FHAD1: variants seen among roughly 807,000 people sequenced by gnomAD.
The protein encoded by FHAD1 is forkhead-associated domain-containing protein 1.
Under a neutral mutation model 191.3 loss-of-function variants are expected in FHAD1, and 146 were observed. The observed-to-expected ratio is 0.76, with a 90% CI of 0.67 to 0.88. The LOEUF (loss-of-function observed/expected upper bound fraction) is 0.88. FHAD1 is among the 40% of genes least tolerant of loss of function. FHAD1 has a pLI of 0.00. For synonymous variants in FHAD1, 616 were observed against 672.3 expected, an observed-to-expected ratio of 0.92 and a Z score of 1.29; for missense variants, 1,635 against 1,785.8, an observed-to-expected ratio of 0.92 and a Z score of 1.52.
At chr1:15,269,188 C>G (rs2101143198) in intron 2 of FHAD1, among the ~76,000 whole-genome samples, 1 of 152,018 alleles carries the variant, frequency 6.6e-6, no homozygotes, top group Admixed American at 6.6e-5. Flanking sequence ...ATATTTCTTT[C>G]AGTTCTTCTG....
chr1:15,344,571 CA>C (rs1487737843), intron 16 of FHAD1, among the ~76,000 whole-genome samples: 1 of 152,196 alleles, frequency 6.6e-6, no homozygotes, highest in Non-Finnish European at 1.5e-5. Flanking sequence ...ACTTTATTTA[CA>C]AAAACAGACC....
In FHAD1 at chr1:15,345,504, G is replaced by T; in HGVS notation, c.2327G>T (p.Arg776Leu). Residue 776 changes from arginine to leucine, a missense_variant, in exon 18 of 34, where the codon CGC (arginine) becomes CTC (leucine). Physicochemically the swap from Arg to Leu is moderately radical, Grantham distance 102. Coordinates refer to ENST00000688493, the MANE Select transcript of FHAD1 (RefSeq NM_001391957.1). ...ACAAGAGTCCAAGAGCTGGAGGAAC[G>T]CTTGGCCCGCCAGAAGGAGGTACGC... is the stretch of plus-strand genomic sequence containing the variant. ...EQTRVQELEERLARQKEVLES... is the reference protein window; with the variant it reads ...EQTRVQELEELLARQKEVLES... The T allele has an allele frequency of 1.3e-6, 2 of 1,551,990 alleles. No homozygotes were observed. Among genetic ancestry groups the T allele is most frequent in the Non-Finnish European group, 1.7e-6 (2 of 1,147,014 alleles).
In FHAD1 at chr1:15,350,664, C is replaced by T. The variant is rs536365046; in HGVS notation, c.2454+1515C>T. On this transcript the variant is annotated intron_variant, in intron 19 of 33. Transcript: ENST00000688493. ...CCCTGGGCATGCCCCTTGCCCTCTC[C>T]ATGCCCTCATCTGCCATGTGGGTGT... is the stretch of plus-strand genomic sequence containing the variant. Among the ~76,000 whole-genome samples the T allele has an allele frequency of 3.8e-4, 58 of 152,318 alleles. No homozygotes were observed. The South Asian group carries it at 0.011, about 28-fold the overall frequency.
intron 3 of FHAD1, among the ~76,000 whole-genome samples, chr1:15,280,075 GAC>G (rs1660035342): frequency 6.6e-6 from 1 of 152,142 alleles, no homozygotes; most frequent in Non-Finnish European, 1.5e-5. Flanking sequence ...TGATGAGAAG[GAC>G]ACAGAGTTGG....
chr1:15,301,100 G>C, intron 5 of FHAD1, 105 bp from the exon 6 acceptor site: 1 of 949,660 alleles, frequency 1.1e-6, no homozygotes, highest in Admixed American at 2.4e-5. Flanking sequence ...ATAGTGCTAG[G>C]ATTACAGGCG....
At chr1:15,363,889 C>T (rs1212430062) in intron 23 of FHAD1, 1 of 438,250 alleles carries the variant, frequency 2.3e-6, no homozygotes, top group East Asian at 7.0e-5. Context: ...AAGAGGAGAA[C>T]CACCTGCCTG....
rs1688535378 is a variant in FHAD1, at chr1:15,345,507, T to C, written c.2330T>C (p.Leu777Ser). The change falls in exon 18 of 34, where the codon TTG becomes TCG. Residue 777 changes from leucine to serine, a missense_variant. Physicochemically the swap from Leu to Ser is moderately radical, Grantham distance 145 (BLOSUM62 -2). Coordinates refer to ENST00000688493, the MANE Select transcript of FHAD1 (RefSeq NM_001391957.1). The stretch of plus-strand genomic sequence containing the variant: ...AGAGTCCAAGAGCTGGAGGAACGCT[T>C]GGCCCGCCAGAAGGAGGTACGCTCG... ...QTRVQELEERLARQKEVLESS... is the reference protein window; with the variant it reads ...QTRVQELEERSARQKEVLESS... 2 of 1,551,942 alleles carry C rather than the reference T, an allele frequency of 1.3e-6. No individual in the cohort carries two copies. The highest frequency in any genetic ancestry group is 1.7e-6 in the Non-Finnish European group (2 of 1,147,026).
chr1:15,300,956 A>C (rs1459505200), intron 5 of FHAD1, among the ~76,000 whole-genome samples: 1 of 152,062 alleles, frequency 6.6e-6, no homozygotes, highest in African/African-American at 2.4e-5. Context: ...CAGCCTCCCA[A>C]GTAGCTGGGA....
Position 15,369,348 on chromosome 1 carries a change from ATCC to A in FHAD1, c.3315-16_3315-14del. ...TTTGTGGTTTCCAGAACCTCGTGCC[ATCC>A]TCCTCTTCTCTACCCTAGGGCTTCC... On this transcript the variant is annotated intron_variant, in intron 25 of 33. Coordinates refer to ENST00000688493, the MANE Select transcript of FHAD1 (RefSeq NM_001391957.1). 1 of 1,551,708 alleles carries A rather than the reference ATCC, an allele frequency of 6.4e-7. No homozygotes were observed. Among genetic ancestry groups the A allele is most frequent in the East Asian group, 2.4e-5 (1 of 40,912 alleles).
intron 2 of FHAD1, among the ~76,000 whole-genome samples, chr1:15,270,996 A>G (rs139138244): frequency 0.013 from 2,013 of 151,762 alleles, 31 homozygotes; most frequent in African/African-American, 0.046. Flanking sequence ...AAAATTAGCC[A>G]GGCGTGGTGG....
At chr1:15,340,208 C>T (rs1480533880) in intron 15 of FHAD1, among the ~76,000 whole-genome samples, 1 of 152,162 alleles carries the variant, frequency 6.6e-6, no homozygotes, top group East Asian at 1.9e-4. Flanking sequence ...AGCAGAATTA[C>T]TAAAAGAAAA....
chr1:15,377,363 C>T (rs1480376259), intron 28 of FHAD1, among the ~76,000 whole-genome samples: 1 of 152,090 alleles, frequency 6.6e-6, no homozygotes, highest in African/African-American at 2.4e-5. Context: ...CAGCCTGACC[C>T]GCTCCCAAGA....
intron 20 of FHAD1, among the ~76,000 whole-genome samples, chr1:15,357,056 T>C (rs1693039450): frequency 6.6e-6 from 1 of 152,058 alleles, no homozygotes; most frequent in African/African-American, 2.4e-5. Context: ...TGTGCATCAG[T>C]CTTTACGTCC....
At chr1:15,287,759 GA>G (rs1159053447) in intron 3 of FHAD1, among the ~76,000 whole-genome samples, 2 of 152,124 alleles carry the variant, frequency 1.3e-5, no homozygotes, top group Admixed American at 1.3e-4. Context: ...GCCTTAGGGG[GA>G]ATGCATAGGA....
At chr1:15,264,548 A>ATGTGTGTGTG (rs71572146) in intron 2 of FHAD1, among the ~76,000 whole-genome samples, 43 of 147,360 alleles carry the variant, frequency 2.9e-4, no homozygotes, top group East Asian at 1.6e-3. Context: ...ATATGTATAT[A>ATGTGTGTGTG]TGTGTGTGTG....
intron 2 of FHAD1, among the ~76,000 whole-genome samples, chr1:15,256,113 T>C (rs929025046): frequency 1.3e-5 from 2 of 152,194 alleles, no homozygotes; most frequent in Admixed American, 1.3e-4. Flanking sequence ...TAATTTGATG[T>C]GGGTTTTGAA....
Position 15,374,555 on chromosome 1 carries a change from G to C in FHAD1, c.3501G>C (p.Glu1167Asp), listed in dbSNP as rs971682784. 1.3e-6 allele frequency: 2 copies of C among 1,551,652 alleles called. No individual in the cohort carries two copies. Among genetic ancestry groups the C allele is most frequent in the African/African-American group, 2.7e-5 (2 of 73,018 alleles). ...GGTGCAAAGGGTCCCGGCACGAGGA[G>C]GTCATTCAGCGTCAGAAAAAGGCCT... Reference protein sequence around the residue: ...GVRCKGSRHEEVIQRQKKALS... With the variant: ...GVRCKGSRHEDVIQRQKKALS... The change falls in exon 27 of 34, where the codon GAG becomes GAC. Residue 1167 changes from glutamate to aspartate, a missense_variant. By Grantham distance (45) the Glu-to-Asp change is conservative. Transcript: ENST00000688493.
intron 2 of FHAD1, among the ~76,000 whole-genome samples, chr1:15,265,084 T>C (rs1381925087): frequency 6.6e-6 from 1 of 152,248 alleles, no homozygotes; most frequent in Non-Finnish European, 1.5e-5. Context: ...TAATATTTTG[T>C]TGAAGATTTT....
At chr1:15,323,043 A>G (rs1676888513) in intron 10 of FHAD1, among the ~76,000 whole-genome samples, 1 of 152,208 alleles carries the variant, frequency 6.6e-6, no homozygotes, top group South Asian at 2.1e-4. Flanking sequence ...CGTGAGACTT[A>G]TTCACCATCA....
Sources: gnomAD v4.1 joint callset for allele counts (sites outside exome capture counted in the v4.1 genomes callset) on GRCh38, gnomAD v4.1.1 for gene constraint, MANE v1.5 for transcripts, NCBI Gene and HGNC (gene_info 2026-07-23, HGNC 2026-07-21) for gene names.